OR9Q1: variants seen among roughly 807,000 people sequenced by gnomAD.
OR9Q1 encodes olfactory receptor 9Q1.
For missense variants in OR9Q1, 374 were observed against 378.8 expected (o/e 0.99, Z 0.11); for synonymous variants, 153 against 148.6 (o/e 1.03, Z -0.22).
intron 2 of OR9Q1, among the ~76,000 whole-genome samples, chr11:58,173,851 T>C (rs1453524064): frequency 3.3e-5 from 5 of 152,170 alleles, no homozygotes; most frequent in Non-Finnish European, 2.9e-5. Context: ...TGGGTATTTG[T>C]GGGCAGACAT....
At chr11:58,136,453 C>T (rs1854189770) in intron 2 of OR9Q1, among the ~76,000 whole-genome samples, 1 of 152,098 alleles carries the variant, frequency 6.6e-6, no homozygotes, top group Non-Finnish European at 1.5e-5. Flanking sequence ...ATCTAAATTG[C>T]CTGGGACCAA....
chr11:58,102,089 T>C (rs1411990995), intron 2 of OR9Q1, among the ~76,000 whole-genome samples: 1 of 152,082 alleles, frequency 6.6e-6, no homozygotes, highest in African/African-American at 2.4e-5. Flanking sequence ...ATTTAAGTCT[T>C]TGATCCATAG....
chr11:58,073,914 A>G (rs750696825), intron 2 of OR9Q1, among the ~76,000 whole-genome samples: 5 of 152,024 alleles, frequency 3.3e-5, no homozygotes, highest in Non-Finnish European at 5.9e-5. Context: ...TTGGTTTTCT[A>G]TTCCTGTGTT....
intron 1 of OR9Q1, chr11:58,026,871 G>T (rs1852979432): frequency 6.6e-6 from 1 of 152,028 alleles, no homozygotes. Flanking sequence ...AAGAAGTAAT[G>T]AGACATTTAA....
At chr11:58,148,943 C>G (rs1268010245) in intron 2 of OR9Q1, among the ~76,000 whole-genome samples, 1 of 152,180 alleles carries the variant, frequency 6.6e-6, no homozygotes, top group Non-Finnish European at 1.5e-5. Flanking sequence ...AAGAAACTCT[C>G]AGCTATTTCC....
chr11:58,109,197 C>A, intron 2 of OR9Q1: 1 of 475,884 alleles, frequency 2.1e-6, no homozygotes. Flanking sequence ...GCAGAATGGC[C>A]CCTGACACCC....
rs1853116300 is a variant in OR9Q1, at chr11:58,037,679, ATATATATATATTTTTTTTTTTTTTTTTTT to A, written c.-93+13577_-93+13605del. On this transcript the variant is annotated intron_variant, in intron 1 of 2. Coordinates refer to ENST00000335397, the MANE Select transcript of OR9Q1 (RefSeq NM_001005212.4). Reference sequence around the variant, plus strand: ...TATATATATATATATATATATATATATATATATATATTTTTTTTTTTTTTTTTTTTTTTTTTTTTTTTTTTTTTTTTTTT... The same window carrying A: ...TATATATATATATATATATATATATATTTTTTTTTTTTTTTTTTTTTTTTT... 9.5e-4 allele frequency among the ~76,000 whole-genome samples: 14 copies of A among 14,676 alleles called. No individual in the cohort carries two copies. The East Asian group carries it at 0.013, about 14-fold the overall frequency. 9.6% of individuals were successfully genotyped at this position (14,676 alleles called of 152,430 possible).
At chr11:58,053,634 A>ATATATATATAAAT (rs1565062192) in intron 1 of OR9Q1, among the ~76,000 whole-genome samples, 1 of 144,676 alleles carries the variant, frequency 6.9e-6, no homozygotes, top group African/African-American at 2.5e-5. Context: ...TATAAAATAT[A>ATATATATATAAAT]TATATATATA....
chr11:58,087,010 A>G (rs769400432), intron 2 of OR9Q1, among the ~76,000 whole-genome samples: 6 of 151,830 alleles, frequency 4.0e-5, no homozygotes, highest in Admixed American at 1.3e-4. Context: ...AAATTTCACC[A>G]CAAAGATGAA....
chr11:58,107,577 T>C (rs1487876343), intron 2 of OR9Q1, among the ~76,000 whole-genome samples: 3 of 152,190 alleles, frequency 2.0e-5, no homozygotes, highest in African/African-American at 7.2e-5. Flanking sequence ...AACTTACGTG[T>C]GCACGTGTCT....
At chr11:58,037,690 T>TAGA (rs1232679301) in intron 1 of OR9Q1, among the ~76,000 whole-genome samples, 1 of 9,354 alleles carries the variant, frequency 1.1e-4, no homozygotes, top group Non-Finnish European at 1.6e-4. Flanking sequence ...TATATATATA[T>TAGA]TTTTTTTTTT....
chr11:58,155,903 C>G (rs1233481217), intron 2 of OR9Q1, among the ~76,000 whole-genome samples: 7 of 139,040 alleles, frequency 5.0e-5, no homozygotes, highest in Non-Finnish European at 1.1e-4. Context: ...TCTTGCTGTT[C>G]TTTTTCTTTT....
At chr11:58,104,168 G>A (rs752192784) in intron 2 of OR9Q1, among the ~76,000 whole-genome samples, 14 of 152,086 alleles carry the variant, frequency 9.2e-5, no homozygotes, top group South Asian at 2.1e-4. Context: ...ACTATCTGAA[G>A]CCAAAAATAT....
At chr11:58,138,023 A>C (rs1445723511) in intron 2 of OR9Q1, among the ~76,000 whole-genome samples, 1 of 152,132 alleles carries the variant, frequency 6.6e-6, no homozygotes, top group East Asian at 1.9e-4. Context: ...ACATCAAGAG[A>C]TGGGAGATAC....
chr11:58,102,914 C>T (rs1374331626), intron 2 of OR9Q1, among the ~76,000 whole-genome samples: 2 of 151,922 alleles, frequency 1.3e-5, no homozygotes, highest in African/African-American at 2.4e-5. Context: ...GTTCACTTAG[C>T]GGTGTCCCAT....
chr11:58,162,875 T>G (rs978670906), intron 2 of OR9Q1, among the ~76,000 whole-genome samples: 1 of 152,064 alleles, frequency 6.6e-6, no homozygotes, highest in Admixed American at 6.6e-5. Flanking sequence ...GAGGACAAAA[T>G]GGAAGGGACA....
At chr11:58,178,976 T>C (rs1384841772) in intron 2 of OR9Q1, among the ~76,000 whole-genome samples, 1 of 129,258 alleles carries the variant, frequency 7.7e-6, no homozygotes, top group African/African-American at 2.8e-5. Context: ...ATAATATATA[T>C]TTTATATATT....
At chr11:58,146,156 T>C (rs1374218084) in intron 2 of OR9Q1, among the ~76,000 whole-genome samples, 1 of 152,206 alleles carries the variant, frequency 6.6e-6, no homozygotes, top group Non-Finnish European at 1.5e-5. Context: ...TATTTCTCGA[T>C]CACCAAAGGT....
At chr11:58,040,493 T>G (rs7120194) in intron 1 of OR9Q1, among the ~76,000 whole-genome samples, 17,054 of 152,208 alleles carry the variant, frequency 0.11, 1,489 homozygotes, top group African/African-American at 0.22. Context: ...ATAAGTTGAT[T>G]CATTCATTTA....
Sources: allele counts gnomAD v4.1 joint callset (sites outside exome capture counted in the v4.1 genomes callset), GRCh38; gene constraint gnomAD v4.1.1; transcripts MANE v1.5; gene names NCBI Gene and HGNC (gene_info 2026-07-23, HGNC 2026-07-21).